TENM1: variants seen among roughly 807,000 people sequenced by gnomAD.
The protein encoded by TENM1 is teneurin transmembrane protein 1, also known as teneurin-1.
Under a neutral mutation model 174.8 loss-of-function variants are expected in TENM1, and 35 were observed. The observed-to-expected ratio is 0.20, with a 90% CI of 0.15 to 0.27. The LOEUF is 0.27. TENM1 is among the 10% of genes least tolerant of loss of function. The pLI is 1.00. For synonymous variants in TENM1, 781 were observed against 798.7 expected, an observed-to-expected ratio of 0.98 and a Z score of 0.37; for missense variants, 1,633 against 2,130.1, an observed-to-expected ratio of 0.77 and a Z score of 4.59.
chrX:124,471,080 A>G (rs1388726342), intron 22 of TENM1, among the ~76,000 whole-genome samples: 8 of 93,612 alleles, frequency 8.5e-5, no homozygotes, highest in Non-Finnish European at 1.7e-4. Flanking sequence ...ACATTTACAT[A>G]TACTCCCTTT....
intron 15 of TENM1, among the ~76,000 whole-genome samples, chrX:124,535,701 G>C (rs1219209579): frequency 1.8e-5 from 2 of 112,149 alleles, no homozygotes; most frequent in African/African-American, 6.5e-5. Context: ...TAGATAGCCA[G>C]GGCAAAAACT....
the TENM1 span, among the ~76,000 whole-genome samples, chrX:125,124,597 C>T: frequency 4.5e-5 from 5 of 112,223 alleles, no homozygotes; most frequent in Admixed American, 2.9e-4. Flanking sequence ...TTTTCCATTT[C>T]AAGCAACTGT....
intron 3 of TENM1, among the ~76,000 whole-genome samples, chrX:124,781,070 T>A (rs772796728): frequency 8.9e-6 from 1 of 112,032 alleles, no homozygotes; most frequent in South Asian, 3.7e-4. Flanking sequence ...TTGTACTGGT[T>A]GTTTACCTTT....
chrX:125,135,446 A>C, the TENM1 span, among the ~76,000 whole-genome samples: 6 of 97,236 alleles, frequency 6.2e-5, no homozygotes, highest in African/African-American at 2.5e-4. Context: ...GTAGGATTTT[A>C]GATTAACAGG....
At chrX:124,522,305 T>C (rs1157626655) in intron 17 of TENM1, among the ~76,000 whole-genome samples, 1 of 111,348 alleles carries the variant, frequency 9.0e-6, no homozygotes. Flanking sequence ...ATCAATTCTA[T>C]CTTGGAGCAT....
intron 18 of TENM1, among the ~76,000 whole-genome samples, chrX:124,511,929 C>G (rs1164098686): frequency 9.0e-6 from 1 of 111,598 alleles, no homozygotes; most frequent in African/African-American, 3.3e-5. Flanking sequence ...CTAGTTTTCC[C>G]AGAAACACCA....
Position 124,675,202 on chromosome X carries a change from T to C in TENM1, c.1016-3367A>G, listed in dbSNP as rs184919671. Among the ~76,000 whole-genome samples, 189 of 111,817 alleles carry C rather than the reference T, an allele frequency of 1.7e-3. 3 individuals carry two copies. The highest frequency in any genetic ancestry group is 5.9e-3 in the African/African-American group (181 of 30,840). ...TTTGTAATATATGTTTGTGTGAATATATAATGAAAGTTAATTATTTGCTAC... is the reference window on the plus strand; with the variant it reads ...TTTGTAATATATGTTTGTGTGAATACATAATGAAAGTTAATTATTTGCTAC... On this transcript the variant is annotated intron_variant, in intron 5 of 31. Transcript: ENST00000422452.
At chrX:125,163,929 G>GT in the TENM1 span, among the ~76,000 whole-genome samples, 1 of 111,679 alleles carries the variant, frequency 9.0e-6, no homozygotes, top group African/African-American at 3.3e-5. Context: ...TTAAAAGGCT[G>GT]TATCGACACA....
chrX:124,994,238 TG>T, the TENM1 span, among the ~76,000 whole-genome samples: 10,645 of 70,627 alleles, frequency 0.15, 1,119 homozygotes, highest in African/African-American at 0.2. Context: ...TTTTTTTTTT[TG>T]GCAATTGACC....
intron 4 of TENM1, among the ~76,000 whole-genome samples, chrX:124,736,680 G>T (rs2053678128): frequency 8.9e-6 from 1 of 111,952 alleles, no homozygotes; most frequent in South Asian, 3.7e-4. Flanking sequence ...TTATGTTTTT[G>T]TGGATATGTG....
chrX:124,595,241 G>A (rs1459349591), intron 11 of TENM1, among the ~76,000 whole-genome samples: 1 of 111,988 alleles, frequency 8.9e-6, no homozygotes, highest in Admixed American at 9.5e-5. Flanking sequence ...GATCTTAAGT[G>A]TTTTTGCCAC....
intron 18 of TENM1, among the ~76,000 whole-genome samples, chrX:124,513,147 CA>C (rs971178979): frequency 1.1e-5 from 1 of 93,276 alleles, no homozygotes; most frequent in African/African-American, 4.6e-5. Flanking sequence ...TCTCACTGAG[CA>C]AAAATCAAGT....
chrX:124,645,244 G>A (rs765425363), exon 10 of TENM1: 37 of 1,209,733 alleles, frequency 3.1e-5, no homozygotes, highest in Non-Finnish European at 3.8e-5. Context: ...TTGTTCTTCC[G>A]GAACGTCACA....
intron 3 of TENM1, among the ~76,000 whole-genome samples, chrX:124,870,174 T>A (rs1306532413): frequency 1.8e-5 from 2 of 111,841 alleles, no homozygotes; most frequent in African/African-American, 6.5e-5. Flanking sequence ...TCAAAACCAG[T>A]TATTCAGTTC....
chrX:124,867,657 T>C (rs1404712844), intron 3 of TENM1, among the ~76,000 whole-genome samples: 6 of 111,824 alleles, frequency 5.4e-5, no homozygotes, highest in Non-Finnish European at 1.1e-4. Context: ...TATAAGAGAA[T>C]GATATAAAGG....
the TENM1 span, among the ~76,000 whole-genome samples, chrX:125,046,571 G>A: frequency 8.9e-5 from 10 of 111,947 alleles, no homozygotes; most frequent in African/African-American, 1.6e-4. Context: ...TCTGCTACAC[G>A]GATACAGAAG....
chrX:124,902,859 A>G (rs2057685968), intron 1 of TENM1, among the ~76,000 whole-genome samples: 1 of 112,696 alleles, frequency 8.9e-6, no homozygotes, highest in Non-Finnish European at 1.9e-5. Flanking sequence ...TCAAATGTAC[A>G]GTGCTATACT....
the TENM1 span, among the ~76,000 whole-genome samples, chrX:124,986,820 T>C: frequency 4.6e-3 from 517 of 111,495 alleles, 6 homozygotes; most frequent in Middle Eastern, 0.042. Context: ...TTTTGTATTT[T>C]TAGTAGAGAC....
chrX:125,182,453 C>T, the TENM1 span, among the ~76,000 whole-genome samples: 1 of 30,791 alleles, frequency 3.2e-5, no homozygotes, highest in Non-Finnish European at 9.6e-5. Context: ...TTTCGGCGGG[C>T]GGGGGGGGGG....
Sources: gnomAD v4.1 joint callset for allele counts (sites outside exome capture counted in the v4.1 genomes callset) on GRCh38, gnomAD v4.1.1 for gene constraint, MANE v1.5 for transcripts, NCBI Gene and HGNC (gene_info 2026-07-23, HGNC 2026-07-21) for gene names.